BMAL2: variants seen among roughly 807,000 people sequenced by gnomAD.
BMAL2 encodes the protein basic helix-loop-helix ARNT-like protein 2.
At chr12:27,408,260 T>A in the BMAL2 span, among the ~76,000 whole-genome samples, 1 of 152,170 alleles carries the variant, frequency 6.6e-6, no homozygotes, top group Non-Finnish European at 1.5e-5. Flanking sequence ...AGCATCATCC[T>A]GATACCATAG....
chr12:27,415,227 T>G, the BMAL2 span, among the ~76,000 whole-genome samples: 5,112 of 152,308 alleles, frequency 0.034, 126 homozygotes, highest in East Asian at 0.12. Context: ...TTAGGTGCTG[T>G]CAACATACAC....
the BMAL2 span, among the ~76,000 whole-genome samples, chr12:27,347,727 A>G: frequency 1.3e-5 from 2 of 152,194 alleles, no homozygotes; most frequent in East Asian, 3.8e-4. Context: ...ACACCCATGC[A>G]GTTGGTTTGT....
chr12:27,380,317 A>G, the BMAL2 span: 110 of 1,614,008 alleles, frequency 6.8e-5, 1 homozygote, highest in South Asian at 1.1e-3. Context: ...ACTGTCTGCA[A>G]TGATCCCTCA....
the BMAL2 span, chr12:27,422,114 A>G: frequency 1.8e-4 from 27 of 152,350 alleles, 1 homozygote; most frequent in African/African-American, 5.1e-4. Flanking sequence ...AAGATTATTT[A>G]AAATACTGCA....
At chr12:27,333,102 A>C in the BMAL2 span, 1 of 1,204,806 alleles carries the variant, frequency 8.3e-7, no homozygotes. Flanking sequence ...CTGCGGCGGG[A>C]GGTGAGGTTG....
At chr12:27,350,734 CA>C in the BMAL2 span, among the ~76,000 whole-genome samples, 1 of 152,074 alleles carries the variant, frequency 6.6e-6, no homozygotes, top group African/African-American at 2.4e-5. Context: ...GGCTGAAGTG[CA>C]GTGGCTCAGT....
the BMAL2 span, chr12:27,423,683 G>A: frequency 6.6e-6 from 1 of 152,314 alleles, no homozygotes; most frequent in Non-Finnish European, 1.5e-5. Flanking sequence ...GTAGTGGAGT[G>A]GGAAGAGTGC....
the BMAL2 span, among the ~76,000 whole-genome samples, chr12:27,339,902 T>G: frequency 6.6e-6 from 1 of 152,212 alleles, no homozygotes; most frequent in Non-Finnish European, 1.5e-5. Flanking sequence ...GTATGTCTTT[T>G]GAAAAGTGTC....
At chr12:27,413,613 CAG>C in the BMAL2 span, among the ~76,000 whole-genome samples, 1 of 152,106 alleles carries the variant, frequency 6.6e-6, no homozygotes, top group African/African-American at 2.4e-5. Context: ...AACTACAAAA[CAG>C]AGAACAATGA....
the BMAL2 span, among the ~76,000 whole-genome samples, chr12:27,356,440 G>A: frequency 6.6e-6 from 1 of 152,126 alleles, no homozygotes; most frequent in African/African-American, 2.4e-5. Context: ...TACAATCTAC[G>A]TTTCAAGCTT....
chr12:27,417,431 A>G, the BMAL2 span, among the ~76,000 whole-genome samples: 1 of 152,194 alleles, frequency 6.6e-6, no homozygotes, highest in Admixed American at 6.5e-5. Context: ...TTTTCCTTAC[A>G]TATGCACCTT....
At chr12:27,403,491 T>C in the BMAL2 span, 87 of 1,611,736 alleles carry the variant, frequency 5.4e-5, no homozygotes, top group Non-Finnish European at 7.2e-5. Flanking sequence ...CAGTACTTGG[T>C]GCTGGTAGTA....
chr12:27,371,734 A>G, the BMAL2 span, among the ~76,000 whole-genome samples: 46 of 31,126 alleles, frequency 1.5e-3, 1 homozygote, highest in Admixed American at 9.8e-3. Context: ...ACACACACAT[A>G]TATATATAAA....
the BMAL2 span, among the ~76,000 whole-genome samples, chr12:27,406,202 A>G: frequency 6.6e-6 from 1 of 152,366 alleles, no homozygotes; most frequent in Admixed American, 6.5e-5. Flanking sequence ...TCCCCAATCT[A>G]GCAAGGCAGG....
At chr12:27,336,396 A>T in the BMAL2 span, among the ~76,000 whole-genome samples, 1 of 152,158 alleles carries the variant, frequency 6.6e-6, no homozygotes. Flanking sequence ...GGCAGGAGCC[A>T]GTGGGAACTA....
At chr12:27,410,937 T>C in the BMAL2 span, among the ~76,000 whole-genome samples, 3 of 152,050 alleles carry the variant, frequency 2.0e-5, no homozygotes, top group Non-Finnish European at 4.4e-5. Context: ...ATTATAGCAA[T>C]GTTAAAAGAG....
the BMAL2 span, among the ~76,000 whole-genome samples, chr12:27,348,701 T>C: frequency 6.6e-6 from 1 of 152,236 alleles, no homozygotes; most frequent in Non-Finnish European, 1.5e-5. Flanking sequence ...ATTTAACTTT[T>C]TCTGAATAGT....
At chr12:27,397,558 C>T in the BMAL2 span, among the ~76,000 whole-genome samples, 3 of 152,166 alleles carry the variant, frequency 2.0e-5, no homozygotes, top group African/African-American at 4.8e-5. Context: ...CAGGATTTCT[C>T]AAGATGAGTT....
the BMAL2 span, among the ~76,000 whole-genome samples, chr12:27,355,215 A>G: frequency 6.6e-6 from 1 of 152,066 alleles, no homozygotes; most frequent in Non-Finnish European, 1.5e-5. Flanking sequence ...GCTGCATCAT[A>G]TTCTTAGAGA....
Sources: gnomAD v4.1 joint callset for allele counts (sites outside exome capture counted in the v4.1 genomes callset) on GRCh38, gnomAD v4.1.1 for gene constraint, MANE v1.5 for transcripts, NCBI Gene and HGNC (gene_info 2026-07-23, HGNC 2026-07-21) for gene names.